Variants in CELF2 observed in about 807,000 individuals in gnomAD.
The protein encoded by CELF2 is CUG triplet repeat RNA-binding protein 2.
A neutral mutation model predicts 62.6 loss-of-function variants in CELF2; 8 were observed. The observed-to-expected ratio is 0.13, with a 90% CI of 0.07 to 0.23. The LOEUF is 0.23. CELF2 is among the 10% of genes least tolerant of loss of function. The pLI is 1.00. For synonymous variants in CELF2, 258 were observed against 250.0 expected (o/e 1.03, Z -0.30); for missense variants, 333 against 671.0 (o/e 0.50, Z 5.56).
chr10:10,833,312 T>C lies in CELF2; in HGVS notation c.53+34495T>C, dbSNP rs1287257348. Among the ~76,000 whole-genome samples the C allele has an allele frequency of 2.0e-5, 3 of 152,164 alleles. No homozygotes were observed. The East Asian group carries it at 5.8e-4, about 29-fold the overall frequency. On this transcript the variant is annotated intron_variant, in intron 1 of 13. Transcript: ENST00000636488. ...CACAGATAATGTTCAAAGGCACCTA[T>C]GCTTGATTTGGGAATGTACCTGGTA...
At position 10,995,601 on chromosome 10, in the gene CELF2, G is replaced by T. The variant is rs1315950659; in HGVS notation, c.89+75602G>T. 1.3e-5 allele frequency among the ~76,000 whole-genome samples: 2 copies of T among 152,200 alleles called. No homozygotes were observed. The highest frequency in any genetic ancestry group is 4.8e-5 in the African/African-American group (2 of 41,450). ...TTGGAGACATAGGTGGATCTCATGG[G>T]CATTATTATGTGGCTTGGACTTCAT... On this transcript the variant is annotated intron_variant, in intron 2 of 13. Coordinates refer to the CELF2 transcript ENST00000636488. The surrounding 1 kb of genome is among the most constrained non-coding windows in gnomAD (Gnocchi z 4.7).
rs537432950 is a variant in CELF2, at chr10:11,324,988, G to A, written c.1295-848G>A. On this transcript the variant is annotated intron_variant, in intron 11 of 12. Coordinates refer to ENST00000633077, the MANE Select transcript of CELF2 (RefSeq NM_001326342.2). The surrounding 1 kb of genome is among the most constrained non-coding windows in gnomAD (Gnocchi z 4.7). ...CCTCAGCTCATATTTATGCCCTTTT[G>A]TGCCGCTTTTAACTTTCACATGGTG... 3.9e-5 allele frequency among the ~76,000 whole-genome samples: 6 copies of A among 152,256 alleles called. No homozygotes were observed. In the East Asian group the frequency reaches 1.2e-3, roughly 29 times the overall value.
Position 11,165,790 on chromosome 10 carries a change from C to G in CELF2, c.271+108C>G, listed in dbSNP as rs2066917300. The G allele has an allele frequency of 2.8e-6, 3 of 1,065,978 alleles. No homozygotes were observed. In the Admixed American group the frequency reaches 8.2e-5, roughly 29 times the overall value. 66.0% of individuals were successfully genotyped at this position (1,065,978 alleles called of 1,614,324 possible). ...GAGGAAGGGCGGGTAGGCAGGAGGGCTGGAAGCAGCCGGTGCTGGCGGCCC... is the reference window on the plus strand; with the variant it reads ...GAGGAAGGGCGGGTAGGCAGGAGGGGTGGAAGCAGCCGGTGCTGGCGGCCC... On this transcript the variant is annotated intron_variant, in intron 2 of 12. Coordinates refer to ENST00000633077, the MANE Select transcript of CELF2 (RefSeq NM_001326342.2). This position sits in a 1 kb window ranked among gnomAD's most constrained non-coding sequence, Gnocchi z 7.4.
At chr10:11,139,981 T>C (rs2061060024) in intron 1 of CELF2, among the ~76,000 whole-genome samples, 1 of 152,202 alleles carries the variant, frequency 6.6e-6, no homozygotes, top group African/African-American at 2.4e-5. Context: ...TCACTTGCGT[T>C]ATTTTCCAGG....
At position 11,331,159 on chromosome 10, in the gene CELF2, G is replaced by A. The variant is rs1296514537; in HGVS notation, c.*2106G>A. The A allele has an allele frequency of 6.6e-6, 1 of 152,338 alleles. No individual in the cohort carries two copies. Among genetic ancestry groups the A allele is most frequent in the East Asian group, 1.9e-4 (1 of 5,192 alleles). 9.4% of individuals were successfully genotyped at this position (152,338 alleles called of 1,614,324 possible). A position where few individuals can be genotyped will look rare whatever the true frequency, so the allele number is the denominator to read the frequency against. ...TACCTATATTTTATACTGTTTCAAT[G>A]TACAGGAGAAAGGTTACTGTAAACT... On this transcript the variant is annotated 3_prime_UTR_variant, in exon 13 of 13. Transcript: ENST00000633077.
In CELF2 at chr10:11,197,069, AG is replaced by A. The variant is rs1195966952; in HGVS notation, c.272-20354del. On this transcript the variant is annotated intron_variant, in intron 2 of 12. Transcript: ENST00000633077. Reference sequence around the variant, plus strand: ...AGAAAGAAAGAAAGAAAAGAAAGAAAGGAAAGAAAGAAAGAAGAAAGAAAGA... The same window carrying A: ...AGAAAGAAAGAAAGAAAAGAAAGAAAGAAAGAAAGAAAGAAGAAAGAAAGA... 1.9e-4 allele frequency among the ~76,000 whole-genome samples: 16 copies of A among 82,694 alleles called. No homozygotes were observed. In the East Asian group the frequency reaches 4.4e-3, roughly 23 times the overall value. The allele number at this position is 82,694 out of a possible 152,430, so 54.3% of individuals were successfully genotyped here. A position where few individuals can be genotyped will look rare whatever the true frequency, so the allele number is the denominator to read the frequency against.
the CELF2 span, among the ~76,000 whole-genome samples, chr10:10,686,310 T>TTGGGG: frequency 2.2e-3 from 152 of 69,802 alleles, 18 homozygotes; most frequent in South Asian, 5.4e-3. Flanking sequence ...TTGGATTTTT[T>TTGGGG]GGGGGGGGGG....
At chr10:11,238,244 G>A (rs2072303038) in intron 3 of CELF2, among the ~76,000 whole-genome samples, 1 of 152,218 alleles carries the variant, frequency 6.6e-6, no homozygotes, top group South Asian at 2.1e-4. Context: ...TCATTAATCA[G>A]TAGTGATTGT....
chr10:10,742,490 A>T, the CELF2 span, among the ~76,000 whole-genome samples: 1 of 151,488 alleles, frequency 6.6e-6, no homozygotes, highest in African/African-American at 2.4e-5. Flanking sequence ...TTAGCCAGGC[A>T]TGGTGGTGCA....
the CELF2 span, among the ~76,000 whole-genome samples, chr10:10,628,564 T>C: frequency 6.6e-6 from 1 of 152,196 alleles, no homozygotes; most frequent in Non-Finnish European, 1.5e-5. Context: ...AGTATACTTA[T>C]GTGTCTGACT....
chr10:11,102,680 A>T (rs1447512135), intron 1 of CELF2, among the ~76,000 whole-genome samples: 1 of 152,078 alleles, frequency 6.6e-6, no homozygotes, highest in Non-Finnish European at 1.5e-5. Context: ...TTTTTTCTTG[A>T]ATGCCAGTAA....
At chr10:11,208,522 G>A (rs1475572101) in intron 2 of CELF2, among the ~76,000 whole-genome samples, 1 of 152,230 alleles carries the variant, frequency 6.6e-6, no homozygotes, top group African/African-American at 2.4e-5. Context: ...GGCAAGGCCT[G>A]CCTGTCCGCA....
intron 1 of CELF2, among the ~76,000 whole-genome samples, chr10:11,153,158 T>C (rs2132763996): frequency 6.6e-6 from 1 of 152,358 alleles, no homozygotes; most frequent in East Asian, 1.9e-4. Flanking sequence ...TTTTTTGCTG[T>C]TGTTCAGGTT....
intron 9 of CELF2, among the ~76,000 whole-genome samples, chr10:11,310,017 C>T (rs1276027989): frequency 1.3e-5 from 2 of 152,190 alleles, no homozygotes; most frequent in Non-Finnish European, 2.9e-5. Context: ...ATAGGAGCAA[C>T]TGGTCTTCTC....
chr10:11,271,631 G>A (rs2083817992), intron 7 of CELF2, among the ~76,000 whole-genome samples: 1 of 152,170 alleles, frequency 6.6e-6, no homozygotes, highest in East Asian at 1.9e-4. Flanking sequence ...TTCCACTTTG[G>A]AACATAAGTG....
chr10:10,677,345 T>C, the CELF2 span, among the ~76,000 whole-genome samples: 1 of 152,148 alleles, frequency 6.6e-6, no homozygotes, highest in Non-Finnish European at 1.5e-5. Flanking sequence ...AACCCATGAA[T>C]TGAATGGTGA....
In CELF2 at chr10:11,302,587, G is replaced by A. The variant is rs1425611078; in HGVS notation, c.977-11552G>A. Among the ~76,000 whole-genome samples, 1 of 152,194 alleles carries A rather than the reference G, an allele frequency of 6.6e-6. No individual in the cohort carries two copies. The highest frequency in any genetic ancestry group is 1.5e-5 in the Non-Finnish European group (1 of 68,034). On this transcript the variant is annotated intron_variant, in intron 9 of 12. Transcript: ENST00000633077. The surrounding 1 kb of genome is among the most constrained non-coding windows in gnomAD (Gnocchi z 5.0). ...CCGCAGCCCAGGGCCCTGGGCCAAAGGGACTTGACACCACACAACTGTGGT... is the reference window on the plus strand; with the variant it reads ...CCGCAGCCCAGGGCCCTGGGCCAAAAGGACTTGACACCACACAACTGTGGT...
the CELF2 span, among the ~76,000 whole-genome samples, chr10:10,518,502 C>A: frequency 2.0e-5 from 3 of 152,166 alleles, no homozygotes; most frequent in Admixed American, 6.5e-5. Flanking sequence ...GAAATGGGAT[C>A]TTTAGTATTA....
chr10:10,478,578 A>G, the CELF2 span, among the ~76,000 whole-genome samples: 1 of 152,222 alleles, frequency 6.6e-6, no homozygotes, highest in Non-Finnish European at 1.5e-5. Context: ...TCATTAGAGG[A>G]AAATGATGTT....
Sources: gnomAD v4.1 joint callset for allele counts (sites outside exome capture counted in the v4.1 genomes callset) on GRCh38, gnomAD v4.1.1 for gene constraint, Gnocchi (gnomAD v3.1) non-coding constraint, MANE v1.5 for transcripts, NCBI Gene and HGNC (gene_info 2026-07-23, HGNC 2026-07-21) for gene names.